KIT: variants seen among roughly 807,000 people sequenced by gnomAD.
KIT encodes mast/stem cell growth factor receptor Kit.
Under a neutral mutation model 105.7 loss-of-function variants are expected in KIT, and 16 were observed. The ratio of observed to expected loss-of-function variants is 0.15; its 90% CI spans 0.10 to 0.23. KIT has a LOEUF of 0.23. KIT is among the 10% of genes least tolerant of loss of function. The probability of loss-of-function intolerance (pLI) is 1.00; values close to 1 mark genes in which losing one functional copy is unlikely to be tolerated. For synonymous variants in KIT, 438 were observed against 441.1 expected (o/e 0.99, Z 0.09); for missense variants, 858 against 1,213.8 (o/e 0.71, Z 4.36).
chr4:54,670,646 C>T (rs186229736), intron 1 of KIT, among the ~76,000 whole-genome samples: 17 of 152,274 alleles, frequency 1.1e-4, no homozygotes, highest in African/African-American at 3.4e-4. Flanking sequence ...CCTTTTCTCC[C>T]GCAAAGTGAG....
At chr4:54,678,350 TTCCCTCCCTCCCTCCC>T (rs200051328) in intron 1 of KIT, among the ~76,000 whole-genome samples, 11 of 58,924 alleles carry the variant, frequency 1.9e-4, no homozygotes, top group Non-Finnish European at 2.4e-4. Flanking sequence ...CCTTCCTTCC[TTCCCTCCCTCCCTCCC>T]TCCCTCCCTC....
Position 54,736,531 on chromosome 4 carries a change from A to G in KIT, c.2518A>G (p.Ser840Gly). ...RLPVKWMAPE[S>G]IFNCVYTFES... ...ACCTGTGAAGTGGATGGCACCTGAA[A>G]GCATTTTCAACTGTGTATACACGTT... The change falls in exon 18 of 21, where the codon AGC (serine) becomes GGC (glycine). Residue 840 changes from serine (S) to glycine (G), a missense_variant. Ser to Gly is a moderately conservative substitution (Grantham distance 56, BLOSUM62 0). Around this residue, in one of 7 missense-constraint regions of KIT, gnomAD observed 63 missense variants for 137.4 expected, o/e 0.46. Coordinates refer to ENST00000288135, the MANE Select transcript of KIT (RefSeq NM_000222.3). The G allele has an allele frequency of 6.2e-7, 1 of 1,614,086 alleles. No individual in the cohort carries two copies. The highest frequency in any genetic ancestry group is 8.5e-7 in the Non-Finnish European group (1 of 1,179,930).
chr4:54,691,190 C>G (rs1318512617), intron 1 of KIT, among the ~76,000 whole-genome samples: 1 of 151,696 alleles, frequency 6.6e-6, no homozygotes, highest in African/African-American at 2.4e-5. Flanking sequence ...TGTTTAGGAG[C>G]CTGTCCTGTC....
At chr4:54,698,166 A>G in intron 2 of KIT, 118 bp from the exon 3 acceptor site, 1 of 1,072,530 alleles carries the variant, frequency 9.3e-7, no homozygotes, top group Non-Finnish European at 1.4e-6. Flanking sequence ...GTTTACACAG[A>G]AAAAAGCAGC....
intron 1 of KIT, among the ~76,000 whole-genome samples, chr4:54,675,112 A>G (rs1480515395): frequency 2.0e-5 from 3 of 152,166 alleles, no homozygotes; most frequent in Non-Finnish European, 2.9e-5. Context: ...GAAATACTAA[A>G]TTTCCTTCCT....
intron 7 of KIT, among the ~76,000 whole-genome samples, chr4:54,720,361 C>T (rs1039783782): frequency 6.6e-5 from 10 of 152,172 alleles, no homozygotes; most frequent in South Asian, 2.1e-4. Context: ...CTTAATTAAC[C>T]GGCACATGGG....
At chr4:54,688,456 G>T (rs1030015925) in intron 1 of KIT, among the ~76,000 whole-genome samples, 2 of 151,252 alleles carry the variant, frequency 1.3e-5, no homozygotes, top group Non-Finnish European at 2.9e-5. Context: ...TTTCTTCCCC[G>T]CCATTATTTT....
At chr4:54,659,522 C>CTA (rs1717085134) in intron 1 of KIT, among the ~76,000 whole-genome samples, 1 of 152,190 alleles carries the variant, frequency 6.6e-6, no homozygotes, top group Non-Finnish European at 1.5e-5. Flanking sequence ...GTCAGTTTCT[C>CTA]TATAAAGTCT....
At chr4:54,736,951 G>C (rs533887575) in intron 19 of KIT, 131 bp downstream of exon 19, 1 of 754,790 alleles carries the variant, frequency 1.3e-6, no homozygotes, top group East Asian at 2.7e-5. Context: ...ATGACACACT[G>C]GTCAAATGTC....
chr4:54,721,184 T>G (rs1199583173), intron 7 of KIT, among the ~76,000 whole-genome samples: 1 of 152,146 alleles, frequency 6.6e-6, no homozygotes, highest in Non-Finnish European at 1.5e-5. Context: ...CAGACCAAGA[T>G]CTTGCATACC....
At chr4:54,669,212 C>A (rs1197407755) in intron 1 of KIT, among the ~76,000 whole-genome samples, 4 of 39,660 alleles carry the variant, frequency 1.0e-4, no homozygotes, top group Non-Finnish European at 1.9e-4. Context: ...TAAAAGAGGA[C>A]CCCCCCCCCT....
At chr4:54,675,101 A>G (rs1718375573) in intron 1 of KIT, among the ~76,000 whole-genome samples, 1 of 152,204 alleles carries the variant, frequency 6.6e-6, no homozygotes, top group African/African-American at 2.4e-5. Context: ...TTAGATTTCC[A>G]GAAATACTAA....
At chr4:54,730,452 TAA>T (rs1722515827) in intron 14 of KIT, among the ~76,000 whole-genome samples, 1 of 152,142 alleles carries the variant, frequency 6.6e-6, no homozygotes, top group South Asian at 2.1e-4. Flanking sequence ...GGCTAAAGTT[TAA>T]AACCCCAGGT....
rs563902418 is a variant in KIT, at chr4:54,667,082, A to G, written c.67+9001A>G. ...GCCCTACCCTAAGAATCGCTGTGCTATAACGCAGCATGTAGGCAGAAAGTC... is the reference window on the plus strand; with the variant it reads ...GCCCTACCCTAAGAATCGCTGTGCTGTAACGCAGCATGTAGGCAGAAAGTC... On this transcript the variant is annotated intron_variant, in intron 1 of 20. Coordinates refer to ENST00000288135, the MANE Select transcript of KIT (RefSeq NM_000222.3). 8.5e-5 allele frequency among the ~76,000 whole-genome samples: 13 copies of G among 152,312 alleles called. No homozygotes were observed. The South Asian group carries it at 1.7e-3, about 19-fold the overall frequency.
chr4:54,724,592 A>C (rs1370868674), intron 8 of KIT, among the ~76,000 whole-genome samples: 1 of 152,130 alleles, frequency 6.6e-6, no homozygotes, highest in Non-Finnish European at 1.5e-5. Flanking sequence ...TGTGTACCAG[A>C]CACTATTCTA....
At position 54,736,924 on chromosome 4, in the gene KIT, T is replaced by C. The variant is rs112823088; in HGVS notation, c.2696+104T>C. ...AGGGTTTTCATAACACAGTTTGAAATGTCACTTGGATTCTTTATGACACAC... is the reference window on the plus strand; with the variant it reads ...AGGGTTTTCATAACACAGTTTGAAACGTCACTTGGATTCTTTATGACACAC... On this transcript the variant is annotated intron_variant, in intron 19 of 20. Coordinates refer to ENST00000288135, the MANE Select transcript of KIT (RefSeq NM_000222.3). 134 of 850,232 alleles carry C rather than the reference T, an allele frequency of 1.6e-4. 1 individual carries two copies. The highest frequency in any genetic ancestry group is 1.5e-3 in the African/African-American group (91 of 59,600). 52.7% of individuals were successfully genotyped at this position (850,232 alleles called of 1,614,324 possible).
Position 54,699,782 on chromosome 4 carries a change from C to G in KIT, c.756+16C>G. Reference sequence around the variant, plus strand: ...AAACAGTCAGGTGAGTGAATCGCTTCATTCTTCTCATGTTCTGTCTCTGTG... The same window carrying G: ...AAACAGTCAGGTGAGTGAATCGCTTGATTCTTCTCATGTTCTGTCTCTGTG... On this transcript the variant is annotated intron_variant, in intron 4 of 20. Coordinates refer to ENST00000288135, the MANE Select transcript of KIT (RefSeq NM_000222.3). The G allele has an allele frequency of 2.5e-6, 4 of 1,613,266 alleles. No individual in the cohort carries two copies. Among genetic ancestry groups the G allele is most frequent in the Non-Finnish European group, 3.4e-6 (4 of 1,179,442 alleles).
At chr4:54,678,384 C>T (rs911449287) in intron 1 of KIT, among the ~76,000 whole-genome samples, 1 of 136,344 alleles carries the variant, frequency 7.3e-6, no homozygotes, top group African/African-American at 2.8e-5. Flanking sequence ...CTCCCCCAAT[C>T]CCTGTGAGGC....
intron 1 of KIT, among the ~76,000 whole-genome samples, chr4:54,676,352 AGT>A (rs781557609): frequency 2.6e-5 from 4 of 152,164 alleles, no homozygotes; most frequent in Non-Finnish European, 4.4e-5. Flanking sequence ...ACTGGCCTTG[AGT>A]GTAAAAATTA....
Sources: gnomAD v4.1 joint callset for allele counts (sites outside exome capture counted in the v4.1 genomes callset) on GRCh38, gnomAD v4.1.1 for gene constraint, gnomAD v4.1.1 regional missense constraint, MANE v1.5 for transcripts, NCBI Gene and HGNC (gene_info 2026-07-23, HGNC 2026-07-21) for gene names.